Variants in HUNK observed in about 807,000 individuals in gnomAD.
The protein encoded by HUNK is hormonally up-regulated Neu-associated kinase, also known as hormonally up-regulated neu tumor-associated kinase.
HUNK carries 21 observed loss-of-function variants against 61.0 expected under a neutral mutation model. The ratio of observed to expected loss-of-function variants is 0.34; its 90% CI spans 0.24 to 0.50. HUNK has a LOEUF of 0.50. Among genes scored for constraint, HUNK ranks in the 20% least tolerant of loss-of-function variants. HUNK has a pLI of 0.98. For synonymous variants in HUNK, 371 were observed against 386.1 expected (o/e 0.96, Z 0.46); for missense variants, 772 against 945.7 (o/e 0.82, Z 2.41).
rs1568947628 is a variant in HUNK, at chr21:32,002,857, G to C, written c.*3673G>C. 1 of 152,234 alleles carries C rather than the reference G, an allele frequency of 6.6e-6. No individual in the cohort carries two copies. 9.4% of individuals were successfully genotyped at this position (152,234 alleles called of 1,614,324 possible). ...TAGCTAGAAAGTGGAGAAGCTCACT[G>C]TTCACTGTGCAAAGCCCCAGTAGTC... On this transcript the variant is annotated 3_prime_UTR_variant, in exon 11 of 11. Transcript: ENST00000270112.
At chr21:31,977,688 A>G (rs949824008) in intron 7 of HUNK, among the ~76,000 whole-genome samples, 6 of 152,150 alleles carry the variant, frequency 3.9e-5, no homozygotes, top group Admixed American at 2.0e-4. Flanking sequence ...GTCTTTTAAA[A>G]CCAAACCAAA....
intron 1 of HUNK, among the ~76,000 whole-genome samples, chr21:31,901,465 T>C (rs1239898728): frequency 6.6e-6 from 1 of 152,174 alleles, no homozygotes; most frequent in Non-Finnish European, 1.5e-5. Context: ...CTTGGCTTGG[T>C]GGCAGGAATG....
At position 31,930,247 on chromosome 21, in the gene HUNK, C is replaced by T. The variant is rs574006785; in HGVS notation, c.554+5487C>T. On this transcript the variant is annotated intron_variant, in intron 2 of 10. Coordinates refer to ENST00000270112, the MANE Select transcript of HUNK (RefSeq NM_014586.2). ...TTCCACAGCTACACAACAGGGAAAG[C>T]GGATTATCCACTTCACATGGCTGTT... Among the ~76,000 whole-genome samples the T allele has an allele frequency of 1.1e-4, 17 of 152,292 alleles. No individual in the cohort carries two copies. The South Asian group carries it at 3.1e-3, about 28-fold the overall frequency.
chr21:31,917,644 C>T (rs2052592665), intron 1 of HUNK, among the ~76,000 whole-genome samples: 1 of 149,394 alleles, frequency 6.7e-6, no homozygotes, highest in Non-Finnish European at 1.5e-5. Flanking sequence ...TTCTTGTGCT[C>T]ATGATGACAT....
rs1464821185 is a variant in HUNK at position 31,873,158 on chromosome 21, C to G, written c.-517C>G. ...CTTCCAGAGGGCGCCGGCAGCCCGC[C>G]GCGCGCTTCTCTCCGGCGGGAGCGG... is the stretch of plus-strand genomic sequence containing the variant. On this transcript the variant is annotated 5_prime_UTR_variant, in exon 1 of 11. Coordinates refer to ENST00000270112, the MANE Select transcript of HUNK (RefSeq NM_014586.2). The surrounding 1 kb of genome is among the most constrained non-coding windows in gnomAD (Gnocchi z 6.1). Among the ~76,000 whole-genome samples, 1 of 152,120 alleles carries G rather than the reference C, an allele frequency of 6.6e-6. No individual in the cohort carries two copies. Among genetic ancestry groups the G allele is most frequent in the East Asian group, 1.9e-4 (1 of 5,168 alleles).
At chr21:31,937,178 T>G (rs1292545543) in intron 2 of HUNK, among the ~76,000 whole-genome samples, 1 of 152,204 alleles carries the variant, frequency 6.6e-6, no homozygotes, top group Non-Finnish European at 1.5e-5. Flanking sequence ...AAGAAGTGCC[T>G]TACAGAGTCC....
intron 1 of HUNK, among the ~76,000 whole-genome samples, chr21:31,915,788 G>A (rs2052577735): frequency 6.6e-6 from 1 of 152,162 alleles, no homozygotes; most frequent in Non-Finnish European, 1.5e-5. Flanking sequence ...CGCCTGATAG[G>A]AAGTCACTGC....
At chr21:31,923,270 G>A (rs574072100) in intron 1 of HUNK, among the ~76,000 whole-genome samples, 11 of 151,932 alleles carry the variant, frequency 7.2e-5, no homozygotes, top group Non-Finnish European at 1.0e-4. Context: ...TGGGGAGATC[G>A]GTCTCTACAA....
Position 31,936,746 on chromosome 21 carries a change from A to G in HUNK, c.555-3419A>G, listed in dbSNP as rs147190520. Among the ~76,000 whole-genome samples, 144 of 150,668 alleles carry G rather than the reference A, an allele frequency of 9.6e-4. 2 individuals carry two copies. In the East Asian group the frequency reaches 0.023, roughly 24 times the overall value. ...AAGCGGATATTTTTTTTTCTTTTGCATTTTCTCTTATTTTTGGTCTTTCGT... is the reference window on the plus strand; with the variant it reads ...AAGCGGATATTTTTTTTTCTTTTGCGTTTTCTCTTATTTTTGGTCTTTCGT... On this transcript the variant is annotated intron_variant, in intron 2 of 10. Transcript: ENST00000270112.
At chr21:31,895,868 AC>A (rs547433713) in intron 1 of HUNK, among the ~76,000 whole-genome samples, 84 of 152,188 alleles carry the variant, frequency 5.5e-4, no homozygotes, top group Admixed American at 1.7e-3. Context: ...CTGAATTATG[AC>A]CCCCAACCAC....
At chr21:31,893,728 G>A (rs1428993385) in intron 1 of HUNK, among the ~76,000 whole-genome samples, 1 of 152,158 alleles carries the variant, frequency 6.6e-6, no homozygotes, top group Non-Finnish European at 1.5e-5. Context: ...AGATTAGTAT[G>A]GTTTGAGAAA....
At chr21:31,961,665 C>T (rs929715989) in intron 5 of HUNK, among the ~76,000 whole-genome samples, 4 of 152,174 alleles carry the variant, frequency 2.6e-5, no homozygotes, top group Admixed American at 6.5e-5. Flanking sequence ...TCAAAGCAGT[C>T]TCTGTAGGGG....
At chr21:31,967,141 G>A (rs554569451) in intron 5 of HUNK, among the ~76,000 whole-genome samples, 14 of 152,094 alleles carry the variant, frequency 9.2e-5, no homozygotes, top group Admixed American at 5.9e-4. Context: ...TTGAGCTCAG[G>A]GGTTTGAGAC....
intron 1 of HUNK, among the ~76,000 whole-genome samples, chr21:31,914,469 T>C (rs1335407087): frequency 6.9e-6 from 1 of 145,318 alleles, no homozygotes; most frequent in African/African-American, 2.6e-5. Flanking sequence ...GAATGAATGC[T>C]AGCCCTTTGT....
rs76019252 is a variant in HUNK, at chr21:32,001,307, G to T, written c.*2123G>T. On this transcript the variant is annotated 3_prime_UTR_variant, in exon 11 of 11. Coordinates refer to ENST00000270112, the MANE Select transcript of HUNK (RefSeq NM_014586.2). ...AAGAAAATAGAGCTTTATAAGCAGA[G>T]AGAAGAAAATAATCATCTAAGACCA... The T allele has an allele frequency of 6.6e-6, 1 of 151,972 alleles. No homozygotes were observed. Among genetic ancestry groups the T allele is most frequent in the East Asian group, 1.9e-4 (1 of 5,176 alleles). 9.4% of individuals were successfully genotyped at this position (151,972 alleles called of 1,614,324 possible). A position where few individuals can be genotyped will look rare whatever the true frequency, so the allele number is the denominator to read the frequency against.
At chr21:31,951,537 G>A (rs1470710568) in intron 4 of HUNK, among the ~76,000 whole-genome samples, 2 of 152,074 alleles carry the variant, frequency 1.3e-5, no homozygotes, top group African/African-American at 4.8e-5. Context: ...GCTCTCATGG[G>A]GGTCCCTGGG....
intron 1 of HUNK, among the ~76,000 whole-genome samples, chr21:31,890,144 G>C (rs1048962729): frequency 1.3e-5 from 2 of 151,918 alleles, no homozygotes; most frequent in Admixed American, 6.6e-5. Context: ...TCTAAATCAT[G>C]GCCACTTATA....
chr21:31,909,431 C>A (rs966002306), intron 1 of HUNK, among the ~76,000 whole-genome samples: 2 of 152,148 alleles, frequency 1.3e-5, no homozygotes, highest in East Asian at 1.9e-4. Context: ...CCCAGCCCTG[C>A]GTTGGGAGCT....
Position 31,924,814 on chromosome 21 carries a change from T to A in HUNK, c.554+54T>A. ...TGACTGTGTGCTCCGTGGGTGGCAC[T>A]GGGCTGTGGCACCCTCTGAGCCTCT... is the stretch of plus-strand genomic sequence containing the variant. On this transcript the variant is annotated intron_variant, in intron 2 of 10. Coordinates refer to ENST00000270112, the MANE Select transcript of HUNK (RefSeq NM_014586.2). This position sits in a 1 kb window ranked among gnomAD's most constrained non-coding sequence, Gnocchi z 5.1. The A allele has an allele frequency of 6.8e-7, 1 of 1,460,368 alleles. No individual in the cohort carries two copies. 90.5% of individuals were successfully genotyped at this position (1,460,368 alleles called of 1,614,324 possible).
Sources: allele counts gnomAD v4.1 joint callset (sites outside exome capture counted in the v4.1 genomes callset), GRCh38; gene constraint gnomAD v4.1.1; non-coding constraint Gnocchi (gnomAD v3.1); transcripts MANE v1.5; gene names NCBI Gene and HGNC (gene_info 2026-07-23, HGNC 2026-07-21).